The following LRRTM4 variants were observed in gnomAD, a reference collection of about 807,000 sequenced individuals.
LRRTM4 encodes the protein leucine-rich repeat transmembrane neuronal protein 4.
LRRTM4 carries 25 observed loss-of-function variants against 47.6 expected under a neutral mutation model. That is an observed-to-expected ratio of 0.53 (90% CI 0.38 to 0.73). The LOEUF (loss-of-function observed/expected upper bound fraction) is 0.73, where lower values mean the gene tolerates loss of function less well. Ranked by LOEUF, LRRTM4 falls within the 30% of genes least tolerant of loss-of-function variation. LRRTM4 has a pLI of 0.00. For missense variants in LRRTM4, 638 were observed against 713.4 expected, an observed-to-expected ratio of 0.89 and a Z score of 1.20; for synonymous variants, 311 against 269.5, an observed-to-expected ratio of 1.15 and a Z score of -1.51.
intron 3 of LRRTM4, among the ~76,000 whole-genome samples, chr2:77,066,082 T>C (rs1287914548): frequency 6.6e-6 from 1 of 152,142 alleles, no homozygotes; most frequent in Non-Finnish European, 1.5e-5. Context: ...ACTATAACTT[T>C]TTCTATGGAT....
chr2:77,199,945 C>T (rs1321045024), intron 3 of LRRTM4, among the ~76,000 whole-genome samples: 1 of 151,994 alleles, frequency 6.6e-6, no homozygotes, highest in Non-Finnish European at 1.5e-5. Flanking sequence ...AAAACTTTTG[C>T]TAACTTTTGT....
At chr2:77,008,996 A>ACAT (rs917325013) in intron 3 of LRRTM4, 1 of 151,928 alleles carries the variant, frequency 6.6e-6, no homozygotes, top group African/African-American at 2.4e-5. Flanking sequence ...TTACTGACTG[A>ACAT]CATCTTCTTG....
intron 3 of LRRTM4, among the ~76,000 whole-genome samples, chr2:76,813,350 C>G (rs1013067944): frequency 6.6e-6 from 1 of 152,074 alleles, no homozygotes; most frequent in African/African-American, 2.4e-5. Context: ...CATCTTTCAT[C>G]AAATGTCTCA....
At chr2:76,813,674 G>C (rs1670811811) in intron 3 of LRRTM4, among the ~76,000 whole-genome samples, 2 of 152,082 alleles carry the variant, frequency 1.3e-5, no homozygotes, top group African/African-American at 4.8e-5. Context: ...TTTTGTATTA[G>C]GACTGATTGA....
rs564483781 is a variant in LRRTM4 at position 76,840,542 on chromosome 2, T to C, written c.1552-91626A>G. 4.6e-5 allele frequency among the ~76,000 whole-genome samples: 7 copies of C among 152,242 alleles called. No individual in the cohort carries two copies. In the South Asian group the frequency reaches 1.2e-3, roughly 27 times the overall value. The stretch of plus-strand genomic sequence containing the variant: ...ATGTGCAGTAAATGTAAAAGTTTAG[T>C]CTTCACATGCAAAAGATAGAATCAT... On this transcript the variant is annotated intron_variant, in intron 3 of 3. Transcript: ENST00000409884.
chr2:76,754,964 C>T (rs1292082141), intron 3 of LRRTM4, among the ~76,000 whole-genome samples: 1 of 152,140 alleles, frequency 6.6e-6, no homozygotes, highest in Admixed American at 6.5e-5. Flanking sequence ...TGTAGAATTG[C>T]TCAGCTAAGC....
intron 3 of LRRTM4, among the ~76,000 whole-genome samples, chr2:76,900,981 G>A (rs1202995088): frequency 6.6e-6 from 1 of 152,136 alleles, no homozygotes; most frequent in Non-Finnish European, 1.5e-5. Context: ...TTTGGAGTAA[G>A]TAAATTCTCC....
chr2:76,997,502 G>A (rs181601437), intron 3 of LRRTM4, among the ~76,000 whole-genome samples: 4 of 152,144 alleles, frequency 2.6e-5, no homozygotes, highest in Admixed American at 2.6e-4. Context: ...TGACAAAATT[G>A]AGTTACTGTC....
At chr2:77,306,701 A>G (rs895002267) in intron 3 of LRRTM4, among the ~76,000 whole-genome samples, 4 of 152,058 alleles carry the variant, frequency 2.6e-5, no homozygotes, top group African/African-American at 9.7e-5. Flanking sequence ...GGTTCAATAT[A>G]TTGACCCTGA....
intron 3 of LRRTM4, among the ~76,000 whole-genome samples, chr2:77,232,845 T>A (rs935018732): frequency 6.6e-6 from 1 of 152,230 alleles, no homozygotes. Flanking sequence ...TAAGATCATA[T>A]CATTTTTCAT....
At chr2:76,882,416 G>C (rs904093952) in intron 3 of LRRTM4, among the ~76,000 whole-genome samples, 1 of 151,984 alleles carries the variant, frequency 6.6e-6, no homozygotes, top group Admixed American at 6.6e-5. Context: ...AAAAGGCCAG[G>C]CACGGTGGCT....
intron 3 of LRRTM4, among the ~76,000 whole-genome samples, chr2:77,145,804 TA>T (rs1327984085): frequency 1.3e-5 from 2 of 149,466 alleles, no homozygotes; most frequent in Non-Finnish European, 3.0e-5. Context: ...AATAAATAAA[TA>T]AAATAAAAAT....
intron 3 of LRRTM4, among the ~76,000 whole-genome samples, chr2:77,326,146 A>G (rs1302582528): frequency 6.6e-6 from 1 of 152,242 alleles, no homozygotes; most frequent in African/African-American, 2.4e-5. Context: ...CCAGTTTATT[A>G]TCATTAGATC....
chr2:77,077,085 T>G (rs2103844762), intron 3 of LRRTM4, among the ~76,000 whole-genome samples: 1 of 152,294 alleles, frequency 6.6e-6, no homozygotes, highest in East Asian at 1.9e-4. Context: ...AAGCAAAATT[T>G]ATTTTCCTGT....
intron 3 of LRRTM4, among the ~76,000 whole-genome samples, chr2:77,013,883 C>T (rs1182578677): frequency 1.3e-5 from 2 of 152,124 alleles, no homozygotes; most frequent in South Asian, 4.2e-4. Context: ...GGACAGGTTA[C>T]CTAATTTCTC....
intron 3 of LRRTM4, among the ~76,000 whole-genome samples, chr2:77,343,103 C>T (rs1258503983): frequency 6.6e-6 from 1 of 151,874 alleles, no homozygotes. Flanking sequence ...AGCCACTTCC[C>T]CCAGGTCGTT....
intron 3 of LRRTM4, among the ~76,000 whole-genome samples, chr2:76,813,779 T>G (rs1160733128): frequency 6.6e-6 from 1 of 152,118 alleles, no homozygotes; most frequent in Non-Finnish European, 1.5e-5. Context: ...TAGTTTTAGA[T>G]TCACACAAAG....
chr2:76,791,924 A>G (rs1674996920), intron 3 of LRRTM4, among the ~76,000 whole-genome samples: 1 of 152,310 alleles, frequency 6.6e-6, no homozygotes, highest in Middle Eastern at 3.4e-3. Context: ...CAGACAAAAA[A>G]TTCTTAACTA....
intron 3 of LRRTM4, among the ~76,000 whole-genome samples, chr2:77,154,316 C>A (rs376237375): frequency 7.9e-5 from 12 of 151,982 alleles, no homozygotes; most frequent in African/African-American, 2.4e-4. Flanking sequence ...TTTGAGTACT[C>A]AATAAAGAGA....
Sources: allele counts gnomAD v4.1 joint callset (sites outside exome capture counted in the v4.1 genomes callset), GRCh38; gene constraint gnomAD v4.1.1; transcripts MANE v1.5; gene names NCBI Gene and HGNC (gene_info 2026-07-23, HGNC 2026-07-21).